Variants in SPATC1 observed in about 807,000 individuals in gnomAD.
The protein encoded by SPATC1 is spermatogenesis and centriole associated 1, also known as speriolin.
Under a neutral mutation model 36.5 loss-of-function variants are expected in SPATC1, and 35 were observed. The ratio of observed to expected loss-of-function variants is 0.96; its 90% confidence interval spans 0.73 to 1.27. SPATC1 has a LOEUF of 1.27. Among genes scored for constraint, SPATC1 ranks in the 50% most tolerant of loss-of-function variants. The pLI, the probability that SPATC1 is intolerant of heterozygous loss-of-function variation, is 0.00. For synonymous variants in SPATC1, 361 were observed against 353.6 expected (o/e 1.02, Z -0.24); for missense variants, 779 against 796.0 (o/e 0.98, Z 0.26).
At chr8:144,044,519 A>G (rs1282432539) in intron 4 of SPATC1, among the ~76,000 whole-genome samples, 2 of 149,706 alleles carry the variant, frequency 1.3e-5, no homozygotes, top group Non-Finnish European at 3.0e-5. Context: ...AGTGTTCGCC[A>G]GGATGGTCTT....
chr8:144,042,872 G>A (rs376540115), intron 4 of SPATC1, among the ~76,000 whole-genome samples: 196 of 151,018 alleles, frequency 1.3e-3, no homozygotes, highest in African/African-American at 4.5e-3. Context: ...TTAAGATGGG[G>A]TCACACTCTG....
intron 4 of SPATC1, among the ~76,000 whole-genome samples, chr8:144,044,490 A>G (rs574331014): frequency 1.0e-4 from 15 of 146,114 alleles, no homozygotes; most frequent in African/African-American, 3.9e-4. Flanking sequence ...TTGCATTTTT[A>G]GTAAAGACGG....
chr8:144,032,988 T>C (rs893408012), intron 1 of SPATC1, among the ~76,000 whole-genome samples: 2 of 149,734 alleles, frequency 1.3e-5, no homozygotes, highest in South Asian at 2.1e-4. Context: ...CAAGCAGCAA[T>C]AGCAAAGCCT....
intron 1 of SPATC1, among the ~76,000 whole-genome samples, chr8:144,029,235 T>C (rs1479428286): frequency 3.4e-5 from 4 of 117,142 alleles, no homozygotes; most frequent in African/African-American, 1.6e-4. Flanking sequence ...AAAAAAAAGA[T>C]TTTCTCCCAT....
At chr8:144,041,842 G>A in intron 4 of SPATC1, 1 of 589,756 alleles carries the variant, frequency 1.7e-6, no homozygotes, top group Non-Finnish European at 2.1e-6. Context: ...CTCCAGCTGT[G>A]TTTATCTGTG....
chr8:144,020,218 C>G (rs938481497), intron 1 of SPATC1, among the ~76,000 whole-genome samples: 2 of 151,316 alleles, frequency 1.3e-5, no homozygotes, highest in Non-Finnish European at 3.0e-5. Context: ...ACCATCTCCC[C>G]TCAGGAGGCT....
At chr8:144,013,618 T>A (rs782613403) in intron 1 of SPATC1, among the ~76,000 whole-genome samples, 4 of 152,092 alleles carry the variant, frequency 2.6e-5, no homozygotes, top group African/African-American at 9.7e-5. Context: ...GCTTTAAATG[T>A]TATACCCCTA....
intron 1 of SPATC1, among the ~76,000 whole-genome samples, chr8:144,024,222 C>T (rs1834624493): frequency 6.7e-6 from 1 of 149,366 alleles, no homozygotes; most frequent in African/African-American, 2.5e-5. Flanking sequence ...CCTCTACCCT[C>T]AGGATGCTCT....
intron 1 of SPATC1, among the ~76,000 whole-genome samples, chr8:144,017,827 C>G (rs1587488688): frequency 6.6e-6 from 1 of 152,116 alleles, no homozygotes; most frequent in East Asian, 1.9e-4. Flanking sequence ...AGAGGTGAGC[C>G]TGGGAGAAGG....
intron 1 of SPATC1, among the ~76,000 whole-genome samples, chr8:144,029,141 C>A (rs1834744209): frequency 7.0e-6 from 1 of 142,400 alleles, no homozygotes; most frequent in Admixed American, 7.4e-5. Context: ...TACAGCAAAC[C>A]ACTGTGGCAC....
intron 1 of SPATC1, among the ~76,000 whole-genome samples, chr8:144,021,302 C>T (rs1229697777): frequency 7.0e-6 from 1 of 143,190 alleles, no homozygotes; most frequent in Non-Finnish European, 1.6e-5. Flanking sequence ...CCTCAGGACC[C>T]TCTTCCCTCA....
intron 1 of SPATC1, among the ~76,000 whole-genome samples, chr8:144,020,975 G>A: frequency 8.4e-6 from 1 of 118,440 alleles, no homozygotes; most frequent in Non-Finnish European, 1.8e-5. Context: ...TCCCCCTCAA[G>A]ACCCTCTCCC....
In SPATC1 at chr8:144,012,635, G is replaced by T; in HGVS notation, c.120G>T (p.Ala40=). ...GGGAGAATCACGAGCTCAAGTCAGC[G>T]ATCAAGACTCAGGCAGGCGGGCTCG... ...LIRENHELKS[A]IKTQAGGLGI... is the part of the protein sequence containing the mutation. Residue 40 remains alanine (A), a synonymous_variant, in exon 1 of 5, where the codon GCG becomes GCT. Coordinates refer to ENST00000377470, the MANE Select transcript of SPATC1 (RefSeq NM_198572.3). The T allele has an allele frequency of 2.6e-6, 4 of 1,551,732 alleles. No individual in the cohort carries two copies. Among genetic ancestry groups the T allele is most frequent in the South Asian group, 1.2e-5 (1 of 84,068 alleles).
upstream of SPATC1, among the ~76,000 whole-genome samples, chr8:144,012,137 C>G (rs942401342): frequency 6.6e-6 from 1 of 152,260 alleles, no homozygotes; most frequent in Non-Finnish European, 1.5e-5. Flanking sequence ...TAGCACGGAA[C>G]TGGAACCAGG....
intron 1 of SPATC1, among the ~76,000 whole-genome samples, chr8:144,038,763 C>A (rs954414308): frequency 1.7e-4 from 26 of 152,158 alleles, no homozygotes; most frequent in Non-Finnish European, 1.3e-4. Context: ...TATTACATGA[C>A]CCATGAAATC....
At chr8:144,023,349 G>A (rs1348072717) in intron 1 of SPATC1, among the ~76,000 whole-genome samples, 4 of 16,648 alleles carry the variant, frequency 2.4e-4, no homozygotes, top group Admixed American at 5.7e-4. Flanking sequence ...TCTCCCCTCA[G>A]GACCCTCTTC....
intron 1 of SPATC1, among the ~76,000 whole-genome samples, chr8:144,039,487 C>T (rs113946121): frequency 0.033 from 4,964 of 152,332 alleles, 124 homozygotes; most frequent in Non-Finnish European, 0.054. Flanking sequence ...TTCTCTCCAC[C>T]GAAGAACAGA....
chr8:144,012,016 T>G (rs1554752535), upstream of SPATC1, among the ~76,000 whole-genome samples: 1 of 152,202 alleles, frequency 6.6e-6, no homozygotes, highest in African/African-American at 2.4e-5. Context: ...AACAAATATT[T>G]ACTGTTTACC....
chr8:144,023,814 G>C (rs2133113650), intron 1 of SPATC1, among the ~76,000 whole-genome samples: 23 of 372 alleles, frequency 0.062, 11 homozygotes, highest in Admixed American at 0.23. Context: ...CCCTGTCCCT[G>C]TCCCCTCAGG....
Sources: gnomAD v4.1 joint callset for allele counts (sites outside exome capture counted in the v4.1 genomes callset) on GRCh38, gnomAD v4.1.1 for gene constraint, MANE v1.5 for transcripts, NCBI Gene and HGNC (gene_info 2026-07-23, HGNC 2026-07-21) for gene names.